SLC4A3: variants seen among roughly 807,000 people sequenced by gnomAD.
The protein encoded by SLC4A3 is anion exchange protein 3.
A neutral mutation model predicts 114.2 loss-of-function variants in SLC4A3; 47 were observed. The observed-to-expected ratio is 0.41, with a 90% confidence interval of 0.33 to 0.52. The LOEUF (loss-of-function observed/expected upper bound fraction) is 0.52, where lower values mean the gene tolerates loss of function less well. SLC4A3 is among the 20% of genes least tolerant of loss of function. SLC4A3 has a pLI of 0.21. For missense variants in SLC4A3, 1,312 were observed against 1,668.3 expected (o/e 0.79, Z 3.72); for synonymous variants, 693 against 710.3 (o/e 0.98, Z 0.39).
chr2:219,633,506 G>C (rs766282394), intron 10 of SLC4A3, 49 bp downstream of exon 10: 65 of 1,447,326 alleles, frequency 4.5e-5, no homozygotes. Flanking sequence ...AGGGTGTCCA[G>C]TTTCAGTCGA....
rs140369920 is a variant in SLC4A3 at position 219,639,022 on chromosome 2, G to A, written c.3023+153G>A. On this transcript the variant is annotated intron_variant, in intron 19 of 22. Transcript: ENST00000358055. This position sits in a 1 kb window ranked among gnomAD's most constrained non-coding sequence, Gnocchi z 5.9. ...AATCCTTGAGGAAGAGAGTGTGTGTGGAGGAGCTGGCAGGGGTGAGGAGGA... is the reference window on the plus strand; with the variant it reads ...AATCCTTGAGGAAGAGAGTGTGTGTAGAGGAGCTGGCAGGGGTGAGGAGGA... Among the ~76,000 whole-genome samples the A allele has an allele frequency of 6.6e-6, 1 of 152,118 alleles. No homozygotes were observed. The highest frequency in any genetic ancestry group is 1.5e-5 in the Non-Finnish European group (1 of 68,004).
chr2:219,628,029 T>TC lies in SLC4A3; in HGVS notation c.43dup (p.Leu15ProfsTer23). Reference sequence around the variant, plus strand: ...AGTGATCCCGCCGCCCGGGGGCGCCTCCCCCCTACCCCAGGTGATCGGCGC... The same window carrying TC: ...AGTGATCCCGCCGCCCGGGGGCGCCTCCCCCCCTACCCCAGGTGATCGGCGC... On this transcript the variant is annotated frameshift_variant, in exon 2 of 23. Transcript: ENST00000358055. LOFTEE classifies it high-confidence loss of function. The surrounding 1 kb of genome is among the most constrained non-coding windows in gnomAD (Gnocchi z 4.8). 1 of 1,575,634 alleles carries TC rather than the reference T, an allele frequency of 6.3e-7. No individual in the cohort carries two copies. Among genetic ancestry groups the TC allele is most frequent in the Non-Finnish European group, 8.6e-7 (1 of 1,164,000 alleles).
Position 219,628,387 on chromosome 2 carries a change from G to A in SLC4A3, c.52-18G>A. 1 of 1,599,146 alleles carries A rather than the reference G, an allele frequency of 6.3e-7. No individual in the cohort carries two copies. Among genetic ancestry groups the A allele is most frequent in the Non-Finnish European group, 8.5e-7 (1 of 1,174,130 alleles). On this transcript the variant is annotated intron_variant, in intron 2 of 22. Transcript: ENST00000358055. The surrounding 1 kb of genome is among the most constrained non-coding windows in gnomAD (Gnocchi z 4.8). ...TCATGGGTCAGGGGTCCTTAGCAGA[G>A]GCCGTCTGGGCCTGCAGGTCCGGGT...
rs1269033180 is a variant in SLC4A3, at chr2:219,631,082, G to A, written c.811+730G>A. The A allele has an allele frequency of 3.3e-5, 36 of 1,099,242 alleles. No individual in the cohort carries two copies. Among genetic ancestry groups the A allele is most frequent in the African/African-American group, 3.3e-5 (2 of 60,678 alleles). The allele number at this position is 1,099,242 out of a possible 1,614,324, so 68.1% of individuals were successfully genotyped here. ...AGACCCAGGGTGGGGGCTGGATGCC[G>A]CAGGGAGCAGGCTTGTGGACTTGGG... On this transcript the variant is annotated intron_variant, in intron 6 of 22. Coordinates refer to ENST00000358055, the MANE Select transcript of SLC4A3 (RefSeq NM_005070.4). The surrounding 1 kb of genome is among the most constrained non-coding windows in gnomAD (Gnocchi z 6.3).
Position 219,638,880 on chromosome 2 carries a change from T to C in SLC4A3, c.3023+11T>C. 1 of 1,612,202 alleles carries C rather than the reference T, an allele frequency of 6.2e-7. No individual in the cohort carries two copies. Among genetic ancestry groups the C allele is most frequent in the African/African-American group, 1.3e-5 (1 of 74,988 alleles). ...GACACAGATCACGGCGTGAGAGAGA[T>C]GGGAGGAGGAGGTGGGAGGGACGAG... is the stretch of plus-strand genomic sequence containing the variant. On this transcript the variant is annotated intron_variant, in intron 19 of 22. Coordinates refer to ENST00000358055, the MANE Select transcript of SLC4A3 (RefSeq NM_005070.4). This position sits in a 1 kb window ranked among gnomAD's most constrained non-coding sequence, Gnocchi z 7.5.
In SLC4A3 at chr2:219,638,940, G is replaced by C; in HGVS notation, c.3023+71G>C. Reference sequence around the variant, plus strand: ...CTTGGCTCCTTGGCTTGGTTTCAGGGTTATAGCAGGGACATCATTATCAGT... The same window carrying C: ...CTTGGCTCCTTGGCTTGGTTTCAGGCTTATAGCAGGGACATCATTATCAGT... On this transcript the variant is annotated intron_variant, in intron 19 of 22. Transcript: ENST00000358055. This position sits in a 1 kb window ranked among gnomAD's most constrained non-coding sequence, Gnocchi z 7.5. 1 of 1,512,298 alleles carries C rather than the reference G, an allele frequency of 6.6e-7. No individual in the cohort carries two copies. 93.7% of individuals were successfully genotyped at this position (1,512,298 alleles called of 1,614,324 possible).
chr2:219,630,028 C>T lies in SLC4A3; in HGVS notation c.612-125C>T, dbSNP rs1181419339. On this transcript the variant is annotated intron_variant, in intron 5 of 22. Coordinates refer to ENST00000358055, the MANE Select transcript of SLC4A3 (RefSeq NM_005070.4). The surrounding 1 kb of genome is among the most constrained non-coding windows in gnomAD (Gnocchi z 6.9). ...AGGGGGCCTGGGTCAGCATCCTTTG[C>T]TGCCCAGGAGGGGCCTGGGTCTCAT... 3.3e-6 allele frequency: 5 copies of T among 1,510,660 alleles called. No individual in the cohort carries two copies. In the Admixed American group the frequency reaches 1.1e-4, roughly 34 times the overall value. 93.6% of individuals were successfully genotyped at this position (1,510,660 alleles called of 1,614,324 possible). A position where few individuals can be genotyped will look rare whatever the true frequency, so the allele number is the denominator to read the frequency against.
chr2:219,635,623 T>C (rs1360000851), intron 13 of SLC4A3, 50 bp from the exon 14 acceptor site: 4 of 1,512,664 alleles, frequency 2.6e-6, no homozygotes, highest in African/African-American at 1.4e-5. Flanking sequence ...GCCCGGGGCC[T>C]CCGAGCCAGA....
intron 8 of SLC4A3, 72 bp from the exon 9 acceptor site, chr2:219,632,801 GC>G: frequency 6.3e-7 from 1 of 1,584,132 alleles, no homozygotes; most frequent in Non-Finnish European, 8.6e-7. Flanking sequence ...CTTTTGGGGG[GC>G]AAGGCAGAGT....
In SLC4A3 at chr2:219,632,902, C is replaced by T. The variant is rs778782764; in HGVS notation, c.1170C>T (p.Thr390=). The T allele has an allele frequency of 6.2e-7, 1 of 1,614,172 alleles. No homozygotes were observed. Among genetic ancestry groups the T allele is most frequent in the Non-Finnish European group, 8.5e-7 (1 of 1,180,022 alleles). Residue 390 remains threonine, a synonymous_variant, in exon 9 of 23, where the codon ACC becomes ACT. Coordinates refer to ENST00000358055, the MANE Select transcript of SLC4A3 (RefSeq NM_005070.4). ...HGAALLDLEQ[T]TLPGIAHLVV... ...CTGCCCTCCTGGACCTGGAGCAAAC[C>T]ACCCTGCCAGGCATTGCACACCTCG...
At position 219,629,656 on chromosome 2, in the gene SLC4A3, T is replaced by G; in HGVS notation, c.572T>G (p.Val191Gly). 1 of 1,613,052 alleles carries G rather than the reference T, an allele frequency of 6.2e-7. No homozygotes were observed. The highest frequency in any genetic ancestry group is 8.5e-7 in the Non-Finnish European group (1 of 1,179,684). Residue 191 changes from valine to glycine, a missense_variant, in exon 5 of 23, where the codon GTG (valine) becomes GGG (glycine). Val to Gly is a moderately radical substitution (Grantham distance 109, BLOSUM62 -3). Transcript: ENST00000358055. ...GCTGTCACCAAGCCCCTGCCCTCGG[T>G]GGGCCCACACACTGACAAGAGCCCC... ...RAAVTKPLPSVGPHTDKSPQH... is the reference protein window; with the variant it reads ...RAAVTKPLPSGGPHTDKSPQH...
intron 20 of SLC4A3, among the ~76,000 whole-genome samples, 198 bp from the exon 21 acceptor site, chr2:219,640,232 C>CG (rs1553553164): frequency 8.9e-5 from 11 of 123,000 alleles, no homozygotes; most frequent in Non-Finnish European, 1.7e-4. Context: ...TCTGCCCCCC[C>CG]CCCCGCCCCT....
rs372337328 is a variant in SLC4A3 at position 219,628,376 on chromosome 2, T to A, written c.52-29T>A. 4 of 1,585,818 alleles carry A rather than the reference T, an allele frequency of 2.5e-6. No homozygotes were observed. The highest frequency in any genetic ancestry group is 1.4e-5 in the African/African-American group (1 of 73,904). On this transcript the variant is annotated intron_variant, in intron 2 of 22. Coordinates refer to ENST00000358055, the MANE Select transcript of SLC4A3 (RefSeq NM_005070.4). This position sits in a 1 kb window ranked among gnomAD's most constrained non-coding sequence, Gnocchi z 4.8. ...GTGTGGGGCCTTCATGGGTCAGGGG[T>A]CCTTAGCAGAGGCCGTCTGGGCCTG... is the stretch of plus-strand genomic sequence containing the variant.
At position 219,636,229 on chromosome 2, in the gene SLC4A3, TAGGACA is replaced by T. The variant is rs1166870157; in HGVS notation, c.2192-70_2192-65del. On this transcript the variant is annotated intron_variant, in intron 14 of 22. Transcript: ENST00000358055. The surrounding 1 kb of genome is among the most constrained non-coding windows in gnomAD (Gnocchi z 5.5). ...TCTGCTTTTGTTGGGGGCCCCAGTT[TAGGACA>T]AGCTAGATGAAGAAGGGGGCAGATA... The T allele has an allele frequency of 2.1e-5, 33 of 1,586,864 alleles. No individual in the cohort carries two copies. The highest frequency in any genetic ancestry group is 2.4e-5 in the Non-Finnish European group (28 of 1,165,814).
At chr2:219,634,291 T>C in intron 11 of SLC4A3, 129 bp from the exon 12 acceptor site, 1 of 899,874 alleles carries the variant, frequency 1.1e-6, no homozygotes. Context: ...ATAGTGCCCT[T>C]TTAGACTGGG....
chr2:219,639,860 A>T lies in SLC4A3; in HGVS notation c.3277+125A>T. 7.8e-7 allele frequency: 1 copy of T among 1,277,266 alleles called. No individual in the cohort carries two copies. The allele number at this position is 1,277,266 out of a possible 1,614,324, so 79.1% of individuals were successfully genotyped here. ...GTGTTGCCCTCAATCTGACCCCCAA[A>T]CCTGCTTCCCAGCACTCCCCTAGCC... On this transcript the variant is annotated intron_variant, in intron 20 of 22. Coordinates refer to ENST00000358055, the MANE Select transcript of SLC4A3 (RefSeq NM_005070.4). This position sits in a 1 kb window ranked among gnomAD's most constrained non-coding sequence, Gnocchi z 5.9.
rs755068968 is a variant in SLC4A3, at chr2:219,629,573, T to C, written c.496-7T>C. On this transcript the variant is annotated splice_region_variant and splice_polypyrimidine_tract_variant and intron_variant, in intron 4 of 22. Transcript: ENST00000358055. ...GCAAGGCCCCAGGGCACATTCTATG[T>C]CTGCAGTTCTCCATTGGAAGTGACG... 1 of 1,607,198 alleles carries C rather than the reference T, an allele frequency of 6.2e-7. No individual in the cohort carries two copies. Among genetic ancestry groups the C allele is most frequent in the East Asian group, 2.2e-5 (1 of 44,794 alleles).
Position 219,641,720 on chromosome 2 carries a change from C to G in SLC4A3, c.3691C>G (p.Pro1231Ala). The G allele has an allele frequency of 6.2e-7, 1 of 1,613,294 alleles. No homozygotes were observed. Among genetic ancestry groups the G allele is most frequent in the Non-Finnish European group, 8.5e-7 (1 of 1,179,238 alleles). The change falls in exon 23 of 23, where the codon CCA (proline) becomes GCA (alanine). Residue 1231 changes from proline to alanine, a missense_variant. Pro to Ala is a conservative substitution (Grantham distance 27, BLOSUM62 -1). Around this residue, in one of 4 missense-constraint regions of SLC4A3, gnomAD observed 4 missense variants for 17.8 expected, o/e 0.22. Coordinates refer to ENST00000358055, the MANE Select transcript of SLC4A3 (RefSeq NM_005070.4). This position sits in a 1 kb window ranked among gnomAD's most constrained non-coding sequence, Gnocchi z 4.0. ...GQDEYNELHM[P>A]V ...GGATGAGTACAATGAGCTGCACATG[C>G]CAGTGTGACCCTTGAAGACAGTGCC... is the stretch of plus-strand genomic sequence containing the variant.
chr2:219,628,680 A>G lies in SLC4A3; in HGVS notation c.217+110A>G. 8.8e-7 allele frequency: 1 copy of G among 1,135,974 alleles called. No individual in the cohort carries two copies. The highest frequency in any genetic ancestry group is 1.3e-6 in the Non-Finnish European group (1 of 782,796). The allele number at this position is 1,135,974 out of a possible 1,614,324, so 70.4% of individuals were successfully genotyped here. A position where few individuals can be genotyped will look rare whatever the true frequency, so the allele number is the denominator to read the frequency against. Reference sequence around the variant, plus strand: ...GTCACCCAGTGCCATCCTGTGCCGGACACTGTGCTGGACTCTGTGCTGGGC... The same window carrying G: ...GTCACCCAGTGCCATCCTGTGCCGGGCACTGTGCTGGACTCTGTGCTGGGC... On this transcript the variant is annotated intron_variant, in intron 3 of 22. Coordinates refer to ENST00000358055, the MANE Select transcript of SLC4A3 (RefSeq NM_005070.4). The surrounding 1 kb of genome is among the most constrained non-coding windows in gnomAD (Gnocchi z 4.8).
Sources: allele counts gnomAD v4.1 joint callset (sites outside exome capture counted in the v4.1 genomes callset), GRCh38; gene constraint gnomAD v4.1.1; regional missense constraint gnomAD v4.1.1; non-coding constraint Gnocchi (gnomAD v3.1); transcripts MANE v1.5; gene names NCBI Gene and HGNC (gene_info 2026-07-23, HGNC 2026-07-21).